The following MTA3 variants were observed in gnomAD, a reference collection of about 807,000 sequenced individuals.
MTA3 encodes metastasis associated 1 family member 3, also known as metastasis-associated protein MTA3.
Under a neutral mutation model 83.5 loss-of-function variants are expected in MTA3, and 34 were observed. That is an observed-to-expected ratio of 0.41 (90% CI 0.31 to 0.54). The LOEUF is 0.54. Ranked by LOEUF, MTA3 falls within the 20% of genes least tolerant of loss-of-function variation. The probability of loss-of-function intolerance (pLI) is 0.33; values close to 1 mark genes in which losing one functional copy is unlikely to be tolerated. For synonymous variants in MTA3, 303 were observed against 252.7 expected (o/e 1.20, Z -1.89); for missense variants, 761 against 726.4 (o/e 1.05, Z -0.55).
chr2:42,627,728 T>G (rs561412696), intron 4 of MTA3, among the ~76,000 whole-genome samples: 20 of 81,408 alleles, frequency 2.5e-4, no homozygotes, highest in African/African-American at 6.1e-4. Context: ...TGGCTAAATT[T>G]TTTTTTTTTT....
chr2:42,544,795 C>T (rs1676683430), intron 2 of MTA3, among the ~76,000 whole-genome samples: 1 of 152,120 alleles, frequency 6.6e-6, no homozygotes. Flanking sequence ...GAGGAGGATG[C>T]AAATGGTCAG....
intron 16 of MTA3, among the ~76,000 whole-genome samples, chr2:42,729,089 T>TTTTGTTG (rs1245303231): frequency 4.8e-5 from 5 of 104,856 alleles, no homozygotes; most frequent in Admixed American, 4.7e-4. Flanking sequence ...AGTTTGAGTT[T>TTTTGTTG]TTTTTTTTTT....
intron 6 of MTA3, among the ~76,000 whole-genome samples, chr2:42,646,069 C>T (rs958223903): frequency 2.0e-5 from 3 of 152,224 alleles, no homozygotes; most frequent in Non-Finnish European, 2.9e-5. Flanking sequence ...ACTAAATCTG[C>T]TCTGCCTGTG....
intron 2 of MTA3, chr2:42,495,286 C>T (rs867508453): frequency 6.6e-6 from 1 of 152,464 alleles, no homozygotes; most frequent in Non-Finnish European, 1.5e-5. Flanking sequence ...AAATCACTCT[C>T]GGTGGCTTCT....
In MTA3 at chr2:42,640,184, G is replaced by A. The variant is rs751548557; in HGVS notation, c.329G>A (p.Ser110Asn). ...TTCTTTTTCAACAGGGGAAAGTGCAGTGTTGCCCTTCTGAATGAGACAGAA... is the reference window on the plus strand; with the variant it reads ...TTCTTTTTCAACAGGGGAAAGTGCAATGTTGCCCTTCTGAATGAGACAGAA... ...LPATHIRGKC[S>N]VALLNETESV... Residue 110 changes from serine (S) to asparagine (N), a missense_variant, in exon 5 of 17, where the codon AGT becomes AAT. Transcript: ENST00000405094. 8.7e-6 allele frequency: 14 copies of A among 1,606,558 alleles called. No homozygotes were observed. In the South Asian group the frequency reaches 1.6e-4, roughly 18 times the overall value.
At chr2:42,581,054 C>G (rs1679562860) in intron 3 of MTA3, among the ~76,000 whole-genome samples, 1 of 152,054 alleles carries the variant, frequency 6.6e-6, no homozygotes, top group South Asian at 2.1e-4. Context: ...AGTTAGTTGT[C>G]TCATAAGTTA....
chr2:42,500,926 T>G (rs1674367543), intron 2 of MTA3, among the ~76,000 whole-genome samples: 1 of 151,224 alleles, frequency 6.6e-6, no homozygotes, highest in African/African-American at 2.4e-5. Context: ...TTCTCCTGCC[T>G]CAGCCTCCCG....
intron 8 of MTA3, among the ~76,000 whole-genome samples, chr2:42,673,353 C>A (rs761227431): frequency 2.0e-5 from 3 of 152,072 alleles, no homozygotes; most frequent in African/African-American, 7.2e-5. Flanking sequence ...AGATGGCCCT[C>A]GACTTAGGAT....
At position 42,594,728 on chromosome 2, in the gene MTA3, A is replaced by ATATATATTTTTT; in HGVS notation, c.191-14729_191-14728insATATATTTTTTT. ...TACATATATATATATATATATATAT[A>ATATATATTTTTT]TTTTTTTTTTTTTTTTGAGACAGAG... On this transcript the variant is annotated intron_variant, in intron 3 of 16. Transcript: ENST00000405094. Among the ~76,000 whole-genome samples, 35 of 24,036 alleles carry ATATATATTTTTT rather than the reference A, an allele frequency of 1.5e-3. 4 individuals carry two copies. Among genetic ancestry groups the ATATATATTTTTT allele is most frequent in the African/African-American group, 4.9e-3 (22 of 4,468 alleles). The allele number at this position is 24,036 out of a possible 152,430, so 15.8% of individuals were successfully genotyped here. A position where few individuals can be genotyped will look rare whatever the true frequency, so the allele number is the denominator to read the frequency against.
chr2:42,755,886 A>T lies in MTA3; in HGVS notation c.*2487A>T, dbSNP rs1362017647. Reference sequence around the variant, plus strand: ...GGCTATCTCCCCCTCTGGCTCAGTCATCGCCTGCCCACCCTTCACTTCTTA... The same window carrying T: ...GGCTATCTCCCCCTCTGGCTCAGTCTTCGCCTGCCCACCCTTCACTTCTTA... On this transcript the variant is annotated 3_prime_UTR_variant, in exon 17 of 17. Transcript: ENST00000405094. 1 of 985,382 alleles carries T rather than the reference A, an allele frequency of 1.0e-6. No individual in the cohort carries two copies. The highest frequency in any genetic ancestry group is 1.2e-6 in the Non-Finnish European group (1 of 830,024). The allele number at this position is 985,382 out of a possible 1,614,324, so 61.0% of individuals were successfully genotyped here. A position where few individuals can be genotyped will look rare whatever the true frequency, so the allele number is the denominator to read the frequency against.
intron 12 of MTA3, among the ~76,000 whole-genome samples, chr2:42,704,609 T>A (rs1303626688): frequency 1.3e-5 from 2 of 152,222 alleles, no homozygotes; most frequent in Non-Finnish European, 2.9e-5. Context: ...TAGAGTCATA[T>A]TAGCTTTGCA....
At chr2:42,527,436 G>T (rs936251668) in intron 2 of MTA3, among the ~76,000 whole-genome samples, 4 of 152,110 alleles carry the variant, frequency 2.6e-5, no homozygotes, top group African/African-American at 7.2e-5. Flanking sequence ...TTTGCAAACT[G>T]TCCACTGCAA....
chr2:42,705,427 G>T (rs1665990314), intron 12 of MTA3, among the ~76,000 whole-genome samples: 2 of 152,144 alleles, frequency 1.3e-5, no homozygotes, highest in African/African-American at 2.4e-5. Flanking sequence ...CTTGCAGGCA[G>T]GGTGCTGTGG....
intron 2 of MTA3, among the ~76,000 whole-genome samples, chr2:42,539,130 A>C (rs371188282): frequency 6.6e-6 from 1 of 152,168 alleles, no homozygotes; most frequent in South Asian, 2.1e-4. Context: ...CTCTGTGCCT[A>C]AAATTATTTC....
At chr2:42,610,601 C>T (rs912052364) in intron 4 of MTA3, among the ~76,000 whole-genome samples, 1 of 152,070 alleles carries the variant, frequency 6.6e-6, no homozygotes, top group South Asian at 2.1e-4. Context: ...TGGTGGTGAT[C>T]AAATTTAAGA....
intron 2 of MTA3, among the ~76,000 whole-genome samples, chr2:42,512,952 C>A: frequency 6.6e-6 from 1 of 152,110 alleles, no homozygotes; most frequent in East Asian, 1.9e-4. Context: ...AAGAAAACTC[C>A]AATTTTAATG....
intron 2 of MTA3, among the ~76,000 whole-genome samples, chr2:42,505,914 G>A (rs112330621): frequency 7.2e-4 from 110 of 151,850 alleles, no homozygotes; most frequent in African/African-American, 2.5e-3. Flanking sequence ...GATTACAGGT[G>A]CCTGCCACCA....
intron 2 of MTA3, among the ~76,000 whole-genome samples, chr2:42,562,377 G>A (rs966558933): frequency 1.3e-5 from 2 of 152,130 alleles, no homozygotes; most frequent in Non-Finnish European, 2.9e-5. Context: ...TTTTCAGGCT[G>A]TGTCCCTTTC....
intron 8 of MTA3, among the ~76,000 whole-genome samples, chr2:42,671,292 T>TA (rs1181654972): frequency 6.6e-6 from 1 of 152,212 alleles, no homozygotes; most frequent in African/African-American, 2.4e-5. Flanking sequence ...ACAGTATTTT[T>TA]AAACAGTTTG....
Sources: allele counts gnomAD v4.1 joint callset (sites outside exome capture counted in the v4.1 genomes callset), GRCh38; gene constraint gnomAD v4.1.1; transcripts MANE v1.5; gene names NCBI Gene and HGNC (gene_info 2026-07-23, HGNC 2026-07-21).